Variants in OS9 observed in about 807,000 individuals in gnomAD.
OS9 encodes the protein protein OS-9.
OS9 carries 58 observed loss-of-function variants against 84.7 expected under a neutral mutation model. The ratio of observed to expected loss-of-function variants is 0.68; its 90% CI spans 0.55 to 0.85. The LOEUF is 0.85. Among genes scored for constraint, OS9 ranks in the 40% least tolerant of loss-of-function variants. The pLI is 0.00. For synonymous variants in OS9, 278 were observed against 320.8 expected, an observed-to-expected ratio of 0.87 and a Z score of 1.43; for missense variants, 760 against 850.9, an observed-to-expected ratio of 0.89 and a Z score of 1.33.
At chr12:57,712,425 A>G (rs1954358643) in intron 5 of OS9, among the ~76,000 whole-genome samples, 1 of 151,972 alleles carries the variant, frequency 6.6e-6, no homozygotes, top group Admixed American at 6.6e-5. Flanking sequence ...TGAATTTCCA[A>G]ATTTTTTTCC....
At chr12:57,716,351 T>C (rs953208603) in intron 7 of OS9, 61 bp from the exon 8 acceptor site, 1 of 1,372,520 alleles carries the variant, frequency 7.3e-7, no homozygotes, top group Admixed American at 2.0e-5. Context: ...CCCATCCTAT[T>C]TGCTCCCTTC....
chr12:57,712,426 A>AT (rs1954358737), intron 5 of OS9, among the ~76,000 whole-genome samples: 1 of 151,780 alleles, frequency 6.6e-6, no homozygotes, highest in African/African-American at 2.4e-5. Flanking sequence ...GAATTTCCAA[A>AT]TTTTTTTCCT....
At position 57,716,136 on chromosome 12, in the gene OS9, C is replaced by G. The variant is rs763236447; in HGVS notation, c.835C>G (p.Leu279Val). 3.7e-6 allele frequency: 6 copies of G among 1,613,372 alleles called. No individual in the cohort carries two copies. Among genetic ancestry groups the G allele is most frequent in the Non-Finnish European group, 4.2e-6 (5 of 1,179,944 alleles). Residue 279 changes from leucine to valine, a missense_variant, in exon 7 of 15, where the codon CTA (leucine) becomes GTA (valine). Coordinates refer to ENST00000315970, the MANE Select transcript of OS9 (RefSeq NM_006812.4). ...GDKIIEELQDLGPQVWSETKS... is the reference protein window; with the variant it reads ...GDKIIEELQDVGPQVWSETKS... ...TAAAATCATAGAGGAGCTGCAAGAT[C>G]TAGGCCCCCAAGTGTGGAGTGAGAC...
At chr12:57,703,629 G>T (rs991552361) in intron 5 of OS9, among the ~76,000 whole-genome samples, 1 of 152,072 alleles carries the variant, frequency 6.6e-6, no homozygotes, top group Non-Finnish European at 1.5e-5. Flanking sequence ...CTTTTTGCCA[G>T]TATCACACTG....
chr12:57,705,146 T>C (rs149695299), intron 5 of OS9, among the ~76,000 whole-genome samples: 12 of 152,354 alleles, frequency 7.9e-5, no homozygotes, highest in Admixed American at 4.6e-4. Flanking sequence ...TTAATTACTA[T>C]AGCTTTTTCA....
intron 12 of OS9, 56 bp from the exon 13 acceptor site, chr12:57,720,043 C>A: frequency 6.4e-7 from 1 of 1,555,546 alleles, no homozygotes; most frequent in Non-Finnish European, 8.8e-7. Context: ...CCCCACACCC[C>A]TAACCCTGGA....
In OS9 at chr12:57,719,130, C is replaced by G; in HGVS notation, c.1548C>G (p.His516Gln). The G allele has an allele frequency of 1.2e-6, 2 of 1,614,062 alleles. No homozygotes were observed. Among genetic ancestry groups the G allele is most frequent in the Non-Finnish European group, 1.7e-6 (2 of 1,180,012 alleles). The change falls in exon 12 of 15, where the codon CAC becomes CAG. Residue 516 changes from histidine (H) to glutamine (Q), a missense_variant. By Grantham distance (24) the His-to-Gln change is conservative. Transcript: ENST00000315970. ...EKQSPELVKK[H>Q]KKKRVVPKKP... ...AGAGTCCAGAGCTGGTGAAGAAGCACAAGAAAAAGAGGGTTGTCCCCAAAA... is the reference window on the plus strand; with the variant it reads ...AGAGTCCAGAGCTGGTGAAGAAGCAGAAGAAAAAGAGGGTTGTCCCCAAAA...
chr12:57,714,038 T>C (rs1954408801), intron 5 of OS9, among the ~76,000 whole-genome samples: 1 of 151,860 alleles, frequency 6.6e-6, no homozygotes, highest in Non-Finnish European at 1.5e-5. Flanking sequence ...ACCTAGGAGG[T>C]TGAGGCTTCA....
intron 5 of OS9, among the ~76,000 whole-genome samples, chr12:57,708,630 A>C (rs2140313665): frequency 6.6e-6 from 1 of 152,274 alleles, no homozygotes; most frequent in Middle Eastern, 3.4e-3. Flanking sequence ...TGTCTCAAAA[A>C]AAAAAAAAAA....
intron 5 of OS9, among the ~76,000 whole-genome samples, chr12:57,700,821 T>C (rs538342939): frequency 6.6e-6 from 1 of 152,064 alleles, no homozygotes; most frequent in Non-Finnish European, 1.5e-5. Context: ...GGGAGAGCAA[T>C]TTGCCTCTAA....
At chr12:57,700,073 T>C (rs1953975298) in intron 5 of OS9, among the ~76,000 whole-genome samples, 1 of 151,276 alleles carries the variant, frequency 6.6e-6, no homozygotes, top group Admixed American at 6.6e-5. Context: ...CCAGCCTGGG[T>C]GACAGAGTGA....
intron 2 of OS9, 34 bp downstream of exon 2, chr12:57,694,960 T>C (rs1237437602): frequency 1.3e-6 from 2 of 1,596,828 alleles, no homozygotes; most frequent in South Asian, 1.1e-5. Context: ...AATGAGGGCT[T>C]GGAAACTAGC....
At chr12:57,704,266 G>A (rs1954104819) in intron 5 of OS9, among the ~76,000 whole-genome samples, 1 of 152,200 alleles carries the variant, frequency 6.6e-6, no homozygotes, top group East Asian at 1.9e-4. Flanking sequence ...GCCGGGAGTG[G>A]TGGCTCACAC....
chr12:57,711,878 C>T (rs201374928), intron 5 of OS9, among the ~76,000 whole-genome samples: 1 of 152,014 alleles, frequency 6.6e-6, no homozygotes, highest in Non-Finnish European at 1.5e-5. Context: ...CACTTGAGCC[C>T]AGGAGTTTGA....
intron 5 of OS9, among the ~76,000 whole-genome samples, chr12:57,702,982 T>C (rs906775659): frequency 1.2e-4 from 19 of 152,174 alleles, no homozygotes; most frequent in African/African-American, 4.3e-4. Flanking sequence ...AAATTCTGAA[T>C]ATTAATCCCT....
At chr12:57,716,853 A>G (rs78442888) in intron 9 of OS9, 109 bp downstream of exon 9, 2 of 932,926 alleles carry the variant, frequency 2.1e-6, no homozygotes, top group African/African-American at 3.2e-5. Flanking sequence ...CCAGGCCGGC[A>G]GAAAATTCAT....
intron 5 of OS9, among the ~76,000 whole-genome samples, chr12:57,712,981 G>T (rs1286831107): frequency 6.6e-6 from 1 of 152,154 alleles, no homozygotes; most frequent in Non-Finnish European, 1.5e-5. Context: ...GACATGTGGG[G>T]CATAAGTTGT....
chr12:57,713,400 G>A (rs1755182830), intron 5 of OS9, among the ~76,000 whole-genome samples: 1 of 152,076 alleles, frequency 6.6e-6, no homozygotes, highest in South Asian at 2.1e-4. Flanking sequence ...CAGGGAGCTA[G>A]GCAGGGATGA....
At chr12:57,711,795 T>G (rs1954342555) in intron 5 of OS9, among the ~76,000 whole-genome samples, 1 of 152,224 alleles carries the variant, frequency 6.6e-6, no homozygotes. Context: ...AAATATATCT[T>G]ACATATAATT....
Sources: gnomAD v4.1 joint callset for allele counts (sites outside exome capture counted in the v4.1 genomes callset) on GRCh38, gnomAD v4.1.1 for gene constraint, MANE v1.5 for transcripts, NCBI Gene and HGNC (gene_info 2026-07-23, HGNC 2026-07-21) for gene names.